The following OR9Q1 variants were observed in gnomAD, a reference collection of about 807,000 sequenced individuals.
OR9Q1 encodes olfactory receptor family 9 subfamily Q member 1.
For synonymous variants in OR9Q1, 153 were observed against 148.6 expected (o/e 1.03, Z -0.22); for missense variants, 374 against 378.8 (o/e 0.99, Z 0.11).
At chr11:58,143,897 C>T (rs543359420) in intron 2 of OR9Q1, among the ~76,000 whole-genome samples, 38 of 151,880 alleles carry the variant, frequency 2.5e-4, no homozygotes, top group African/African-American at 7.7e-4. Context: ...ATATGTGCTT[C>T]GAAGGATTTC....
At chr11:58,116,394 A>G (rs2120120800) in intron 2 of OR9Q1, among the ~76,000 whole-genome samples, 1 of 152,346 alleles carries the variant, frequency 6.6e-6, no homozygotes, top group Middle Eastern at 3.4e-3. Flanking sequence ...TAGCTGGGTC[A>G]CTGGTTATAT....
At position 58,073,931 on chromosome 11, in the gene OR9Q1, C is replaced by T. The variant is rs375240190; in HGVS notation, c.-15+17984C>T. Reference sequence around the variant, plus strand: ...GGTTTTCTATTCCTGTGTTAGTTTGCTGAGAATGATGTCTTCCAGCTTCAT... The same window carrying T: ...GGTTTTCTATTCCTGTGTTAGTTTGTTGAGAATGATGTCTTCCAGCTTCAT... On this transcript the variant is annotated intron_variant, in intron 2 of 2. Coordinates refer to ENST00000335397, the MANE Select transcript of OR9Q1 (RefSeq NM_001005212.4). 1.6e-4 allele frequency among the ~76,000 whole-genome samples: 25 copies of T among 152,276 alleles called. No homozygotes were observed. In the East Asian group the frequency reaches 4.3e-3, roughly 26 times the overall value.
chr11:58,145,759 G>A (rs1242556968), intron 2 of OR9Q1, among the ~76,000 whole-genome samples: 1 of 152,106 alleles, frequency 6.6e-6, no homozygotes, highest in African/African-American at 2.4e-5. Flanking sequence ...GCGTATTGTG[G>A]AGCATTTTCT....
intron 2 of OR9Q1, chr11:58,145,098 C>A (rs1590614203): frequency 1.3e-5 from 2 of 153,020 alleles, no homozygotes; most frequent in South Asian, 1.9e-4. Context: ...CTTTTCTGGT[C>A]ATCACAACCA....
At chr11:58,147,407 G>A (rs1854309158) in intron 2 of OR9Q1, among the ~76,000 whole-genome samples, 2 of 152,098 alleles carry the variant, frequency 1.3e-5, no homozygotes, top group Admixed American at 1.3e-4. Flanking sequence ...GTGTTTATGA[G>A]CTTAAGAAAC....
At chr11:58,083,369 C>T (rs1853607128) in intron 2 of OR9Q1, among the ~76,000 whole-genome samples, 1 of 151,606 alleles carries the variant, frequency 6.6e-6, no homozygotes, top group South Asian at 2.1e-4. Context: ...AATATTAGCC[C>T]TTTGTCGATG....
chr11:58,027,795 C>A (rs1477846604), intron 1 of OR9Q1, among the ~76,000 whole-genome samples: 3 of 152,216 alleles, frequency 2.0e-5, no homozygotes, highest in African/African-American at 7.2e-5. Flanking sequence ...TACTTCTTTA[C>A]CCCTCCTTCA....
chr11:58,078,930 A>G (rs1853564601), intron 2 of OR9Q1, among the ~76,000 whole-genome samples: 1 of 152,216 alleles, frequency 6.6e-6, no homozygotes, highest in South Asian at 2.1e-4. Flanking sequence ...CATTCACCTT[A>G]CAAGTGATGA....
chr11:58,137,289 T>C (rs537896012), intron 2 of OR9Q1, among the ~76,000 whole-genome samples: 1 of 152,280 alleles, frequency 6.6e-6, no homozygotes, highest in East Asian at 1.9e-4. Context: ...GCAAGGTTTG[T>C]TTCACGTGAC....
intron 2 of OR9Q1, among the ~76,000 whole-genome samples, chr11:58,071,545 C>T (rs1322200616): frequency 6.6e-6 from 1 of 151,804 alleles, no homozygotes; most frequent in Non-Finnish European, 1.5e-5. Flanking sequence ...GGGAAAGAGC[C>T]TAGCGAAGTA....
chr11:58,136,778 G>A (rs1214256576), intron 2 of OR9Q1, among the ~76,000 whole-genome samples: 2 of 152,126 alleles, frequency 1.3e-5, no homozygotes, highest in Admixed American at 1.3e-4. Flanking sequence ...ACATTAATGT[G>A]TACTGTGAGT....
chr11:58,108,418 C>T (rs1408661949), intron 2 of OR9Q1, among the ~76,000 whole-genome samples: 1 of 152,010 alleles, frequency 6.6e-6, no homozygotes, highest in African/African-American at 2.4e-5. Context: ...GTAATCAGTT[C>T]GCTTATGACT....
chr11:58,096,614 G>C (rs1442575769), intron 2 of OR9Q1, among the ~76,000 whole-genome samples: 1 of 150,554 alleles, frequency 6.6e-6, no homozygotes, highest in Non-Finnish European at 1.5e-5. Context: ...CTGGGCTTAA[G>C]TGATCCTCTC....
At position 58,180,394 on chromosome 11, in the gene OR9Q1, A is replaced by G. The variant is rs1854653096; in HGVS notation, c.*17A>G. The G allele has an allele frequency of 6.6e-7, 1 of 1,516,974 alleles. No homozygotes were observed. Among genetic ancestry groups the G allele is most frequent in the Non-Finnish European group, 8.9e-7 (1 of 1,120,218 alleles). The allele number at this position is 1,516,974 out of a possible 1,614,324, so 94.0% of individuals were successfully genotyped here. On this transcript the variant is annotated 3_prime_UTR_variant, in exon 3 of 3. Transcript: ENST00000335397. The stretch of plus-strand genomic sequence containing the variant: ...TTGTCCTAACCATCTCCAAACTTGG[A>G]AAATCCCGAGAACCACCTACTCTGT...
At chr11:58,057,512 C>T (rs1046048335) in intron 2 of OR9Q1, among the ~76,000 whole-genome samples, 1 of 152,190 alleles carries the variant, frequency 6.6e-6, no homozygotes, top group Non-Finnish European at 1.5e-5. Flanking sequence ...AAAACACCAC[C>T]TCCCTTCCCT....
At chr11:58,176,936 G>A (rs1419033055) in intron 2 of OR9Q1, among the ~76,000 whole-genome samples, 1 of 152,130 alleles carries the variant, frequency 6.6e-6, no homozygotes, top group Non-Finnish European at 1.5e-5. Context: ...GAAAAATAGT[G>A]GACAAAGAGA....
intron 2 of OR9Q1, among the ~76,000 whole-genome samples, chr11:58,178,901 A>AT (rs1220065168): frequency 2.1e-5 from 3 of 144,346 alleles, no homozygotes; most frequent in Non-Finnish European, 4.5e-5. Flanking sequence ...ATATTTATAT[A>AT]TTATATATAT....
intron 2 of OR9Q1, 89 bp downstream of exon 2, chr11:58,056,036 A>C (rs1343666093): frequency 1.3e-5 from 2 of 152,162 alleles, no homozygotes; most frequent in Non-Finnish European, 2.9e-5. Flanking sequence ...ACCTTCTTTT[A>C]ATATTAAAAG....
intron 2 of OR9Q1, among the ~76,000 whole-genome samples, chr11:58,091,819 A>G (rs927180066): frequency 1.1e-4 from 17 of 151,332 alleles, no homozygotes; most frequent in African/African-American, 4.1e-4. Flanking sequence ...GAATCTGTGT[A>G]CTCCTGTATT....
Sources: allele counts gnomAD v4.1 joint callset (sites outside exome capture counted in the v4.1 genomes callset), GRCh38; gene constraint gnomAD v4.1.1; transcripts MANE v1.5; gene names NCBI Gene and HGNC (gene_info 2026-07-23, HGNC 2026-07-21).